Variants in TBXAS1 observed in about 807,000 individuals in gnomAD.
The protein encoded by TBXAS1 is thromboxane-A synthase.
In TBXAS1, 48 loss-of-function variants were observed where a neutral mutation model predicts 60.7. The ratio of observed to expected loss-of-function variants is 0.79; its 90% CI spans 0.63 to 1.01. The LOEUF (loss-of-function observed/expected upper bound fraction) is 1.01, where lower values mean the gene tolerates loss of function less well. TBXAS1 is among the 50% of genes least tolerant of loss of function. The pLI is 0.00. For missense variants in TBXAS1, 685 were observed against 686.3 expected, an observed-to-expected ratio of 1.00 and a Z score of 0.02; for synonymous variants, 287 against 269.7, an observed-to-expected ratio of 1.06 and a Z score of -0.63.
chr7:139,827,070 A>G (rs1017770450), upstream of TBXAS1, among the ~76,000 whole-genome samples: 4 of 152,144 alleles, frequency 2.6e-5, no homozygotes, highest in African/African-American at 7.2e-5. Flanking sequence ...ATATATTTCA[A>G]GTCCATCTAC....
chr7:139,856,973 A>T (rs538466471), intron 1 of TBXAS1, among the ~76,000 whole-genome samples: 1 of 152,258 alleles, frequency 6.6e-6, no homozygotes, highest in African/African-American at 2.4e-5. Flanking sequence ...AGAAAGCATA[A>T]TCATGGCTAG....
chr7:139,790,390 C>G (rs1368640202), intron 4 of TBXAS1, among the ~76,000 whole-genome samples: 2 of 152,194 alleles, frequency 1.3e-5, no homozygotes, highest in Non-Finnish European at 2.9e-5. Context: ...TTAAAATTCC[C>G]ATTTCTTTCA....
At chr7:139,809,730 G>A (rs1377357231) in intron 4 of TBXAS1, among the ~76,000 whole-genome samples, 3 of 152,124 alleles carry the variant, frequency 2.0e-5, no homozygotes, top group South Asian at 2.1e-4. Context: ...TCCCAGCTCC[G>A]AGAGTGAGTG....
At chr7:139,960,073 C>T (rs190303410) in intron 8 of TBXAS1, among the ~76,000 whole-genome samples, 5 of 152,316 alleles carry the variant, frequency 3.3e-5, no homozygotes, top group East Asian at 1.9e-4. Context: ...CAACTACCCC[C>T]GACCCTCACC....
chr7:139,985,563 C>G (rs1253824052), intron 9 of TBXAS1, among the ~76,000 whole-genome samples: 3 of 152,202 alleles, frequency 2.0e-5, no homozygotes, highest in Non-Finnish European at 4.4e-5. Context: ...ATAAAATACA[C>G]TGGATGAAAA....
chr7:139,878,132 GGA>G (rs556514246), intron 3 of TBXAS1, among the ~76,000 whole-genome samples: 2 of 138,026 alleles, frequency 1.4e-5, no homozygotes, highest in African/African-American at 2.7e-5. Context: ...AGAGAGAGAA[GGA>G]GAGAGAGAGA....
chr7:139,779,754 G>A (rs1796921337), intron 1 of TBXAS1, among the ~76,000 whole-genome samples: 1 of 152,146 alleles, frequency 6.6e-6, no homozygotes, highest in African/African-American at 2.4e-5. Flanking sequence ...CTGCAGGTGG[G>A]GCTGAGTGCC....
At chr7:139,976,972 A>G (rs551164828) in intron 9 of TBXAS1, among the ~76,000 whole-genome samples, 1 of 152,282 alleles carries the variant, frequency 6.6e-6, no homozygotes, top group African/African-American at 2.4e-5. Context: ...GCCCAACCAG[A>G]GAGCCAAAAA....
chr7:139,904,860 G>C (rs1804847572), intron 3 of TBXAS1, among the ~76,000 whole-genome samples: 1 of 151,870 alleles, frequency 6.6e-6, no homozygotes, highest in East Asian at 1.9e-4. Flanking sequence ...GAGTCCTTAG[G>C]GTTTTCAAGG....
chr7:139,820,322 G>A (rs1798263482), intron 4 of TBXAS1, among the ~76,000 whole-genome samples: 1 of 152,162 alleles, frequency 6.6e-6, no homozygotes, highest in Non-Finnish European at 1.5e-5. Context: ...GAGATCATGG[G>A]TGTCATAAAT....
At chr7:139,934,314 A>G (rs1007141817) in intron 4 of TBXAS1, among the ~76,000 whole-genome samples, 37 of 151,384 alleles carry the variant, frequency 2.4e-4, no homozygotes, top group African/African-American at 8.7e-4. Flanking sequence ...TCAACCTCTC[A>G]AGTAGCTGGG....
intron 1 of TBXAS1, among the ~76,000 whole-genome samples, chr7:139,853,904 C>T (rs1253922192): frequency 2.0e-5 from 3 of 152,198 alleles, no homozygotes; most frequent in African/African-American, 4.8e-5. Context: ...CAGTGGAACT[C>T]TTTGAGTGGC....
rs898492498 is a variant in TBXAS1 at position 139,840,697 on chromosome 7, A to G, written c.89+11218A>G. Among the ~76,000 whole-genome samples the G allele has an allele frequency of 5.3e-5, 8 of 152,174 alleles. No individual in the cohort carries two copies. The South Asian group carries it at 6.2e-4, about 12-fold the overall frequency. On this transcript the variant is annotated intron_variant, in intron 1 of 12. Transcript: ENST00000448866. ...GCCCCTTTGCAAGCTCTGAGGTTCC[A>G]GGGTTGACGTATTGTTTCCTTCAGG...
At chr7:139,909,887 G>T (rs1044995873) in intron 3 of TBXAS1, among the ~76,000 whole-genome samples, 1 of 152,134 alleles carries the variant, frequency 6.6e-6, no homozygotes, top group African/African-American at 2.4e-5. Context: ...ACTCTGGCTT[G>T]CTTTGCACAG....
In TBXAS1 at chr7:140,017,722, C is replaced by T. The variant is rs1404370771; in HGVS notation, c.1416C>T (p.Phe472=). The change falls in exon 12 of 13, where the codon TTC becomes TTT. Residue 472 remains phenylalanine (F), a synonymous_variant. Coordinates refer to ENST00000448866, the MANE Select transcript of TBXAS1 (RefSeq NM_001061.7). ...QQHRPFTYLP[F]GAGPRSCLGV... ...ACCGGCCCTTCACGTACCTGCCCTT[C>T]GGGGCCGGCCCACGGAGCTGCCTCG... 2.1e-5 allele frequency: 34 copies of T among 1,613,890 alleles called. No homozygotes were observed. Among genetic ancestry groups the T allele is most frequent in the East Asian group, 4.5e-5 (2 of 44,876 alleles).
intron 9 of TBXAS1, among the ~76,000 whole-genome samples, chr7:139,969,758 T>C (rs950115745): frequency 6.6e-6 from 1 of 152,080 alleles, no homozygotes; most frequent in Non-Finnish European, 1.5e-5. Context: ...AGGAGTAAGT[T>C]CAGGAGTTCC....
chr7:139,905,697 ATTC>A (rs1257319383), intron 3 of TBXAS1, among the ~76,000 whole-genome samples: 5 of 152,134 alleles, frequency 3.3e-5, no homozygotes, highest in African/African-American at 1.2e-4. Flanking sequence ...ATTGGTACCA[ATTC>A]TTCTTTGAAT....
intron 3 of TBXAS1, among the ~76,000 whole-genome samples, chr7:139,886,681 GC>G (rs1803138583): frequency 6.6e-6 from 1 of 152,156 alleles, no homozygotes; most frequent in Admixed American, 6.5e-5. Flanking sequence ...CTAATGTAAT[GC>G]CTAGTGCATA....
intron 1 of TBXAS1, among the ~76,000 whole-genome samples, chr7:139,865,326 A>G (rs1801272145): frequency 6.6e-6 from 1 of 152,180 alleles, no homozygotes; most frequent in Non-Finnish European, 1.5e-5. Context: ...GTGGGTGAGA[A>G]ATGGGACAAG....
Sources: gnomAD v4.1 joint callset for allele counts (sites outside exome capture counted in the v4.1 genomes callset) on GRCh38, gnomAD v4.1.1 for gene constraint, MANE v1.5 for transcripts, NCBI Gene and HGNC (gene_info 2026-07-23, HGNC 2026-07-21) for gene names.